DLGAP1: variants seen among roughly 807,000 people sequenced by gnomAD.
The protein encoded by DLGAP1 is DLG associated protein 1.
DLGAP1 carries 11 observed loss-of-function variants against 90.8 expected under a neutral mutation model. That is an observed-to-expected ratio of 0.12 (90% CI 0.08 to 0.20). The LOEUF is 0.20. Among genes scored for constraint, DLGAP1 ranks in the 10% least tolerant of loss-of-function variants. The probability of loss-of-function intolerance (pLI) is 1.00; values close to 1 mark genes in which losing one functional copy is unlikely to be tolerated. For missense variants in DLGAP1, 1,050 were observed against 1,333.8 expected, an observed-to-expected ratio of 0.79 and a Z score of 3.31; for synonymous variants, 558 against 540.7, an observed-to-expected ratio of 1.03 and a Z score of -0.44.
At chr18:3,857,711 G>A (rs1293486299) in intron 4 of DLGAP1, among the ~76,000 whole-genome samples, 1 of 152,092 alleles carries the variant, frequency 6.6e-6, no homozygotes, top group African/African-American at 2.4e-5. Context: ...CCAGGAAGTT[G>A]GCTTGTGATG....
intron 7 of DLGAP1, among the ~76,000 whole-genome samples, chr18:3,600,811 T>TATATATAGATATATATAG (rs1405717035): frequency 2.1e-5 from 2 of 93,256 alleles, no homozygotes; most frequent in African/African-American, 1.2e-4. Flanking sequence ...GATATATAGA[T>TATATATAGATATATATAG]ATATATAGAT....
chr18:3,778,514 A>C (rs963583484), intron 5 of DLGAP1, among the ~76,000 whole-genome samples: 2 of 152,012 alleles, frequency 1.3e-5, no homozygotes, highest in African/African-American at 2.4e-5. Flanking sequence ...CAAAGGATCT[A>C]GGTTAGCAAT....
rs1259071801 is a variant in DLGAP1 at position 3,552,996 on chromosome 18, C to T, written c.2057+14494G>A. Among the ~76,000 whole-genome samples the T allele has an allele frequency of 5.3e-5, 8 of 151,710 alleles. No individual in the cohort carries two copies. The East Asian group carries it at 1.5e-3, about 29-fold the overall frequency. ...TTTTTTCTCTCTTGTTCTCTTCCTCCTTGGGAGTTAATGCCAAAACAAACA... is the reference window on the plus strand; with the variant it reads ...TTTTTTCTCTCTTGTTCTCTTCCTCTTTGGGAGTTAATGCCAAAACAAACA... On this transcript the variant is annotated intron_variant, in intron 9 of 12. Transcript: ENST00000315677.
chr18:3,730,800 T>TA (rs1447434643), intron 6 of DLGAP1, among the ~76,000 whole-genome samples: 1 of 152,224 alleles, frequency 6.6e-6, no homozygotes, highest in Non-Finnish European at 1.5e-5. Context: ...CTTTACAGTT[T>TA]AAAAATGCTA....
At chr18:3,614,824 G>A (rs2145943351) in intron 7 of DLGAP1, among the ~76,000 whole-genome samples, 1 of 147,866 alleles carries the variant, frequency 6.8e-6, no homozygotes, top group African/African-American at 2.5e-5. Context: ...ACTCCAGCCT[G>A]GGCAACAAGA....
At chr18:3,838,201 A>C (rs191913724) in intron 4 of DLGAP1, among the ~76,000 whole-genome samples, 1 of 152,332 alleles carries the variant, frequency 6.6e-6, no homozygotes, top group Admixed American at 6.5e-5. Flanking sequence ...ACAGGGCTTG[A>C]TCATAAAGTA....
At chr18:4,252,794 T>G (rs1468686239) in intron 1 of DLGAP1, among the ~76,000 whole-genome samples, 1 of 152,210 alleles carries the variant, frequency 6.6e-6, no homozygotes. Flanking sequence ...TGTCAGATTA[T>G]TTATCGCCAC....
intron 11 of DLGAP1, among the ~76,000 whole-genome samples, chr18:3,506,501 G>A: frequency 9.0e-6 from 1 of 111,050 alleles, no homozygotes; most frequent in South Asian, 3.4e-4. Flanking sequence ...CAACAAGAGT[G>A]AGACTCCGTC....
chr18:4,120,695 T>C (rs1219900475), intron 2 of DLGAP1, among the ~76,000 whole-genome samples: 2 of 143,260 alleles, frequency 1.4e-5, no homozygotes, highest in East Asian at 3.9e-4. Context: ...CCGATTGTAA[T>C]GTCTGCCTTT....
chr18:4,312,538 G>A (rs1281749330), intron 1 of DLGAP1, among the ~76,000 whole-genome samples: 1 of 152,156 alleles, frequency 6.6e-6, no homozygotes, highest in Non-Finnish European at 1.5e-5. Context: ...GGTGTGAAAT[G>A]TCTTTTTGAC....
intron 7 of DLGAP1, among the ~76,000 whole-genome samples, chr18:3,646,460 AT>A (rs2059119041): frequency 6.6e-6 from 1 of 152,186 alleles, no homozygotes; most frequent in African/African-American, 2.4e-5. Context: ...CCATAATCAG[AT>A]AAAGAAAAGG....
At chr18:4,080,627 C>A (rs1412388917) in intron 2 of DLGAP1, among the ~76,000 whole-genome samples, 1 of 152,164 alleles carries the variant, frequency 6.6e-6, no homozygotes, top group East Asian at 1.9e-4. Context: ...GAAACATTTA[C>A]CATCTCTTCT....
chr18:4,380,436 G>C (rs1357191861), intron 1 of DLGAP1, among the ~76,000 whole-genome samples: 2 of 152,100 alleles, frequency 1.3e-5, no homozygotes, highest in Non-Finnish European at 2.9e-5. Flanking sequence ...AAGACTCATA[G>C]AAGAAAGGGA....
intron 1 of DLGAP1, among the ~76,000 whole-genome samples, chr18:4,311,081 TA>T (rs1568506286): frequency 6.6e-6 from 1 of 152,118 alleles, no homozygotes; most frequent in African/African-American, 2.4e-5. Context: ...AGAAAACAAC[TA>T]AAAAAATTCT....
intron 1 of DLGAP1, among the ~76,000 whole-genome samples, chr18:4,422,358 T>C (rs1226856870): frequency 2.0e-5 from 3 of 151,982 alleles, no homozygotes; most frequent in African/African-American, 7.2e-5. Flanking sequence ...ATGTGTAGTA[T>C]AATAACATTT....
chr18:4,106,271 G>T (rs1261710024), intron 2 of DLGAP1, among the ~76,000 whole-genome samples: 1 of 152,018 alleles, frequency 6.6e-6, no homozygotes, highest in East Asian at 1.9e-4. Context: ...AGAAGCCCGG[G>T]TTCTAGTCCT....
chr18:3,514,784 A>C (rs1006320170), intron 10 of DLGAP1, among the ~76,000 whole-genome samples: 2 of 152,228 alleles, frequency 1.3e-5, no homozygotes, highest in Admixed American at 1.3e-4. Flanking sequence ...AGCCATCAGC[A>C]AGTCATAATC....
At chr18:3,541,927 G>A (rs1186300092) in intron 9 of DLGAP1, among the ~76,000 whole-genome samples, 1 of 151,956 alleles carries the variant, frequency 6.6e-6, no homozygotes, top group Non-Finnish European at 1.5e-5. Flanking sequence ...AGGGGTAACA[G>A]TCCTATTCAC....
At position 3,517,655 on chromosome 18, in the gene DLGAP1, T is replaced by C. The variant is rs528671677; in HGVS notation, c.2480-8994A>G. On this transcript the variant is annotated intron_variant, in intron 10 of 12. Transcript: ENST00000315677. The surrounding 1 kb of genome is among the most constrained non-coding windows in gnomAD (Gnocchi z 4.1). ...CAACATGGTGAAACCAAGTCTCTAC[T>C]AAAAATACAAAATTAGTCAGGCACG... Among the ~76,000 whole-genome samples, 21 of 151,994 alleles carry C rather than the reference T, an allele frequency of 1.4e-4. No individual in the cohort carries two copies. Among genetic ancestry groups the C allele is most frequent in the African/African-American group, 5.1e-4 (21 of 41,450 alleles).
Sources: allele counts gnomAD v4.1 joint callset (sites outside exome capture counted in the v4.1 genomes callset), GRCh38; gene constraint gnomAD v4.1.1; non-coding constraint Gnocchi (gnomAD v3.1); transcripts MANE v1.5; gene names NCBI Gene and HGNC (gene_info 2026-07-23, HGNC 2026-07-21).